The following STXBP5L variants were observed in gnomAD, a reference collection of about 807,000 sequenced individuals.
STXBP5L encodes the protein syntaxin binding protein 5L.
In STXBP5L, 65 loss-of-function variants were observed where a neutral mutation model predicts 144.5. The ratio of observed to expected loss-of-function variants is 0.45; its 90% CI spans 0.37 to 0.55. STXBP5L has a LOEUF of 0.55. Among genes scored for constraint, STXBP5L ranks in the 20% least tolerant of loss-of-function variants. STXBP5L has a pLI of 0.00. For missense variants in STXBP5L, 1,298 were observed against 1,405.5 expected, an observed-to-expected ratio of 0.92 and a Z score of 1.22; for synonymous variants, 505 against 469.6, an observed-to-expected ratio of 1.08 and a Z score of -0.97.
chr3:121,355,558 A>T (rs117412320), intron 20 of STXBP5L, among the ~76,000 whole-genome samples: 1 of 152,140 alleles, frequency 6.6e-6, no homozygotes, highest in East Asian at 1.9e-4. Context: ...GGTCTTCTCT[A>T]TTCTGTTTAT....
intron 9 of STXBP5L, among the ~76,000 whole-genome samples, chr3:121,193,603 A>G (rs1350415657): frequency 6.6e-6 from 1 of 152,252 alleles, no homozygotes; most frequent in Non-Finnish European, 1.5e-5. Flanking sequence ...CTGGATTTAG[A>G]AAATGTGGCA....
At chr3:121,004,105 A>T (rs1944039118) in intron 3 of STXBP5L, among the ~76,000 whole-genome samples, 1 of 152,094 alleles carries the variant, frequency 6.6e-6, no homozygotes, top group Non-Finnish European at 1.5e-5. Flanking sequence ...TGGTAGCTTG[A>T]TGGGGATGGC....
chr3:121,180,980 G>C (rs1577133057), intron 9 of STXBP5L, among the ~76,000 whole-genome samples: 1 of 151,258 alleles, frequency 6.6e-6, no homozygotes, highest in African/African-American at 2.4e-5. Context: ...GGGAAGGGGA[G>C]GGGAGAAGGA....
At chr3:120,997,365 A>G (rs1469236706) in intron 3 of STXBP5L, among the ~76,000 whole-genome samples, 1 of 152,224 alleles carries the variant, frequency 6.6e-6, no homozygotes, top group Non-Finnish European at 1.5e-5. Flanking sequence ...AGAATTCTCC[A>G]AACTGATTTC....
chr3:120,951,898 ACCAATCCAAATGT>A (rs1559902168), intron 2 of STXBP5L, among the ~76,000 whole-genome samples: 1 of 152,016 alleles, frequency 6.6e-6, no homozygotes, highest in Admixed American at 6.6e-5. Flanking sequence ...AAGACTTGGA[ACCAATCCAAATGT>A]CCAACAATGA....
chr3:121,092,866 G>T (rs59538698), intron 5 of STXBP5L, among the ~76,000 whole-genome samples: 27 of 152,192 alleles, frequency 1.8e-4, no homozygotes, highest in African/African-American at 6.0e-4. Context: ...CAAAGGGAAT[G>T]CTTCCAGTAT....
intron 20 of STXBP5L, among the ~76,000 whole-genome samples, chr3:121,363,103 T>C (rs2045762744): frequency 6.6e-6 from 1 of 152,124 alleles, no homozygotes; most frequent in South Asian, 2.1e-4. Flanking sequence ...TGAATTGGTA[T>C]CCTAGATGCA....
intron 9 of STXBP5L, chr3:121,157,829 C>T: frequency 1.6e-6 from 1 of 616,610 alleles, no homozygotes; most frequent in Non-Finnish European, 2.5e-6. Flanking sequence ...CAACCCACAT[C>T]CCTGTTTTGT....
At chr3:121,220,346 A>G (rs2048937003) in intron 10 of STXBP5L, among the ~76,000 whole-genome samples, 1 of 152,094 alleles carries the variant, frequency 6.6e-6, no homozygotes, top group Admixed American at 6.6e-5. Context: ...GGACATTTCA[A>G]GTATATGGTC....
At chr3:121,160,540 A>G (rs1176487815) in intron 9 of STXBP5L, among the ~76,000 whole-genome samples, 2 of 152,208 alleles carry the variant, frequency 1.3e-5, no homozygotes, top group African/African-American at 2.4e-5. Context: ...TATGTAGATT[A>G]TATGCAAATA....
intron 3 of STXBP5L, among the ~76,000 whole-genome samples, chr3:120,993,364 C>G (rs572167529): frequency 3.3e-5 from 5 of 151,918 alleles, no homozygotes; most frequent in Non-Finnish European, 7.4e-5. Context: ...CTTTTACAGT[C>G]TTTCTTAATA....
intron 20 of STXBP5L, among the ~76,000 whole-genome samples, chr3:121,356,090 T>C (rs1308307173): frequency 6.6e-6 from 1 of 152,190 alleles, no homozygotes; most frequent in Non-Finnish European, 1.5e-5. Flanking sequence ...CACCCACTTA[T>C]CTGAGGTATC....
chr3:121,265,376 G>A (rs2050527550), intron 18 of STXBP5L, among the ~76,000 whole-genome samples: 1 of 152,154 alleles, frequency 6.6e-6, no homozygotes, highest in South Asian at 2.1e-4. Flanking sequence ...AATGACTACT[G>A]GGTAAGTAAT....
Position 120,985,116 on chromosome 3 carries a change from C to CT in STXBP5L, c.287+30088dup, listed in dbSNP as rs1002599600. The stretch of plus-strand genomic sequence containing the variant: ...GTTCATAAGGGATATTGTTTTGTAG[C>CT]TTTTTTTTTCTAGTAGTGTATTTGT... On this transcript the variant is annotated intron_variant, in intron 3 of 26. Transcript: ENST00000471454. 2.7e-5 allele frequency among the ~76,000 whole-genome samples: 4 copies of CT among 150,898 alleles called. No homozygotes were observed. In the East Asian group the frequency reaches 5.8e-4, roughly 22 times the overall value.
chr3:120,989,791 A>G (rs189977289), intron 3 of STXBP5L, among the ~76,000 whole-genome samples: 2 of 152,192 alleles, frequency 1.3e-5, no homozygotes, highest in African/African-American at 4.8e-5. Flanking sequence ...CATTTGTCAC[A>G]AGTAATTTTT....
intron 20 of STXBP5L, among the ~76,000 whole-genome samples, chr3:121,342,802 A>G (rs1283830914): frequency 6.8e-6 from 1 of 147,538 alleles, no homozygotes; most frequent in Non-Finnish European, 1.5e-5. Flanking sequence ...TGCCACAATA[A>G]ACATACATGT....
At chr3:121,312,937 G>T (rs1422520515) in intron 19 of STXBP5L, among the ~76,000 whole-genome samples, 1 of 152,024 alleles carries the variant, frequency 6.6e-6, no homozygotes, top group East Asian at 1.9e-4. Flanking sequence ...CCACAAAACC[G>T]CCATTGTCAT....
intron 3 of STXBP5L, among the ~76,000 whole-genome samples, chr3:120,995,665 C>A (rs1464058541): frequency 2.6e-5 from 4 of 151,874 alleles, no homozygotes; most frequent in East Asian, 1.9e-4. Context: ...GGCATGGAAA[C>A]CTTACTTCCA....
intron 21 of STXBP5L, 60 bp from the exon 22 acceptor site, chr3:121,381,233 T>C: frequency 1.4e-6 from 2 of 1,471,442 alleles, no homozygotes; most frequent in Non-Finnish European, 9.2e-7. Context: ...ATATTAAATC[T>C]GATGTTATTG....
Sources: allele counts gnomAD v4.1 joint callset (sites outside exome capture counted in the v4.1 genomes callset), GRCh38; gene constraint gnomAD v4.1.1; transcripts MANE v1.5; gene names NCBI Gene and HGNC (gene_info 2026-07-23, HGNC 2026-07-21).